ATP8A2: variants seen among roughly 807,000 people sequenced by gnomAD.
ATP8A2 encodes ATPase phospholipid transporting 8A2.
ATP8A2 carries 100 observed loss-of-function variants against 165.6 expected under a neutral mutation model. The ratio of observed to expected loss-of-function variants is 0.60; its 90% CI spans 0.51 to 0.71. The LOEUF (loss-of-function observed/expected upper bound fraction) is 0.71. Ranked by LOEUF, ATP8A2 falls within the 30% of genes least tolerant of loss-of-function variation. The probability of loss-of-function intolerance (pLI) is 0.00; values close to 1 mark genes in which losing one functional copy is unlikely to be tolerated. For synonymous variants in ATP8A2, 543 were observed against 548.8 expected (o/e 0.99, Z 0.15); for missense variants, 1,227 against 1,479.5 (o/e 0.83, Z 2.80).
chr13:25,737,629 G>A (rs2043801955), intron 25 of ATP8A2, among the ~76,000 whole-genome samples: 1 of 151,996 alleles, frequency 6.6e-6, no homozygotes, highest in East Asian at 1.9e-4. Flanking sequence ...CTTCGGAGTA[G>A]CTGGGACCAC....
intron 33 of ATP8A2, among the ~76,000 whole-genome samples, chr13:25,929,237 G>A (rs1954696439): frequency 1.3e-5 from 2 of 152,142 alleles, no homozygotes; most frequent in South Asian, 2.1e-4. Flanking sequence ...GTCACCGGAC[G>A]TCCAGCACGC....
chr13:25,431,506 G>GGC lies in ATP8A2; in HGVS notation c.77-37470_77-37469insCG, dbSNP rs538620687. On this transcript the variant is annotated intron_variant, in intron 1 of 36. Transcript: ENST00000381655. Reference sequence around the variant, plus strand: ...TAGTAACTTTTACTTCGGCGGCGGGGGGGGAATCTCATACAATTATGATGG... The same window carrying GGC: ...TAGTAACTTTTACTTCGGCGGCGGGGGCGGGGAATCTCATACAATTATGATGG... Among the ~76,000 whole-genome samples, 100 of 152,116 alleles carry GGC rather than the reference G, an allele frequency of 6.6e-4. 1 individual carries two copies. The South Asian group carries it at 0.019, about 29-fold the overall frequency.
intron 24 of ATP8A2, among the ~76,000 whole-genome samples, chr13:25,663,795 TCTC>T (rs1253710899): frequency 6.6e-6 from 1 of 152,126 alleles, no homozygotes; most frequent in African/African-American, 2.4e-5. Context: ...TTTGTGGAGG[TCTC>T]CTCAATAGGA....
chr13:25,817,332 C>T (rs1439379731), intron 27 of ATP8A2, among the ~76,000 whole-genome samples: 4 of 131,650 alleles, frequency 3.0e-5, no homozygotes, highest in Non-Finnish European at 6.3e-5. Context: ...CCCATCTGGT[C>T]GGTATTATGG....
intron 2 of ATP8A2, among the ~76,000 whole-genome samples, chr13:25,518,715 G>C (rs1020933268): frequency 3.3e-5 from 5 of 152,144 alleles, no homozygotes; most frequent in African/African-American, 1.2e-4. Flanking sequence ...CATTTCTGGA[G>C]GTCAGACTCC....
chr13:25,741,184 A>T (rs2043903154), intron 25 of ATP8A2, among the ~76,000 whole-genome samples: 1 of 152,242 alleles, frequency 6.6e-6, no homozygotes, highest in Admixed American at 6.5e-5. Context: ...CTCAAAAATC[A>T]TGGAAATTTT....
At chr13:25,762,217 CAA>C (rs2044393891) in intron 25 of ATP8A2, among the ~76,000 whole-genome samples, 4 of 121,284 alleles carry the variant, frequency 3.3e-5, no homozygotes, top group Non-Finnish European at 6.4e-5. Flanking sequence ...TGCAGTGAGC[CAA>C]GATCATTCCA....
At chr13:25,881,839 C>T (rs1487464153) in intron 33 of ATP8A2, among the ~76,000 whole-genome samples, 1 of 152,198 alleles carries the variant, frequency 6.6e-6, no homozygotes, top group Non-Finnish European at 1.5e-5. Flanking sequence ...CCCAGAACTA[C>T]TGGACTAGAG....
At chr13:25,921,677 G>A (rs1463018738) in intron 33 of ATP8A2, among the ~76,000 whole-genome samples, 1 of 151,598 alleles carries the variant, frequency 6.6e-6, no homozygotes, top group Admixed American at 6.6e-5. Context: ...TGTTCTACGT[G>A]TAATTTATTT....
At position 25,392,589 on chromosome 13, in the gene ATP8A2, G is replaced by A. The variant is rs150544299; in HGVS notation, c.76+20301G>A. Among the ~76,000 whole-genome samples, 1,454 of 152,212 alleles carry A rather than the reference G, an allele frequency of 9.6e-3. 25 individuals carry two copies. Among genetic ancestry groups the A allele is most frequent in the African/African-American group, 0.033 (1,366 of 41,524 alleles). On this transcript the variant is annotated intron_variant, in intron 1 of 36. Transcript: ENST00000381655. ...AGGCTTTCAGAAAAGAAAACAAACT[G>A]TAACTAATTAAATTATTGTAACTCA...
rs757003529 is a variant in ATP8A2 at position 25,846,414 on chromosome 13, A to G, written c.2956+6790A>G. ...AGGACTGCTTCCTGGAGGATGTGGC[A>G]GCAGAGTTGAAGGATGAGTCGGAAT... On this transcript the variant is annotated intron_variant, in intron 30 of 36. Coordinates refer to ENST00000381655, the MANE Select transcript of ATP8A2 (RefSeq NM_016529.6). 1.6e-4 allele frequency among the ~76,000 whole-genome samples: 24 copies of G among 152,326 alleles called. No homozygotes were observed. The East Asian group carries it at 4.6e-3, about 29-fold the overall frequency.
At chr13:25,561,375 T>A (rs2039149079) in intron 15 of ATP8A2, among the ~76,000 whole-genome samples, 1 of 152,194 alleles carries the variant, frequency 6.6e-6, no homozygotes. Context: ...ATAGATTTTT[T>A]TTGTTTTACT....
chr13:25,980,105 T>C (rs1956146043), intron 35 of ATP8A2, among the ~76,000 whole-genome samples: 1 of 152,130 alleles, frequency 6.6e-6, no homozygotes, highest in African/African-American at 2.4e-5. Flanking sequence ...TTATCAAGCA[T>C]GGGGAATTCA....
chr13:25,796,339 A>G (rs1032384250), intron 27 of ATP8A2, among the ~76,000 whole-genome samples: 6 of 152,216 alleles, frequency 3.9e-5, no homozygotes, highest in Non-Finnish European at 8.8e-5. Flanking sequence ...TTGTGTGGTT[A>G]TGACCTAGTT....
intron 24 of ATP8A2, among the ~76,000 whole-genome samples, chr13:25,643,828 C>T (rs2041600831): frequency 6.6e-6 from 1 of 151,060 alleles, no homozygotes; most frequent in South Asian, 2.1e-4. Flanking sequence ...ATTATATTGA[C>T]TCTTTAGCAT....
chr13:25,825,724 T>C (rs1951298043), intron 27 of ATP8A2, among the ~76,000 whole-genome samples: 1 of 151,858 alleles, frequency 6.6e-6, no homozygotes, highest in Non-Finnish European at 1.5e-5. Flanking sequence ...CCTCCAGTGG[T>C]AGGGAGAGAG....
intron 1 of ATP8A2, among the ~76,000 whole-genome samples, chr13:25,455,868 C>G (rs756201472): frequency 6.6e-6 from 1 of 152,222 alleles, no homozygotes; most frequent in Non-Finnish European, 1.5e-5. Context: ...GTTTCCACTA[C>G]TAGATCATTT....
intron 24 of ATP8A2, among the ~76,000 whole-genome samples, chr13:25,672,591 G>A (rs116333300): frequency 6.6e-5 from 10 of 152,086 alleles, no homozygotes; most frequent in Non-Finnish European, 1.0e-4. Context: ...TTTCTCAAGT[G>A]CAATCTTCTC....
At chr13:25,695,907 A>G (rs2042824908) in intron 24 of ATP8A2, among the ~76,000 whole-genome samples, 1 of 152,218 alleles carries the variant, frequency 6.6e-6, no homozygotes, top group Non-Finnish European at 1.5e-5. Flanking sequence ...TCTTAGTGAC[A>G]TCTAAAATGG....
Sources: gnomAD v4.1 joint callset for allele counts (sites outside exome capture counted in the v4.1 genomes callset) on GRCh38, gnomAD v4.1.1 for gene constraint, MANE v1.5 for transcripts, NCBI Gene and HGNC (gene_info 2026-07-23, HGNC 2026-07-21) for gene names.